Variants in USP7 observed in about 807,000 individuals in gnomAD.
USP7 encodes ubiquitin C-terminal hydrolase 7.
USP7 carries 9 observed loss-of-function variants against 162.9 expected under a neutral mutation model. The ratio of observed to expected loss-of-function variants is 0.06; its 90% CI spans 0.03 to 0.10. USP7 has a LOEUF of 0.10. Ranked by LOEUF, USP7 falls within the 10% of genes least tolerant of loss-of-function variation. USP7 has a pLI of 1.00. For missense variants in USP7, 715 were observed against 1,373.7 expected, an observed-to-expected ratio of 0.52 and a Z score of 7.58; for synonymous variants, 562 against 475.9, an observed-to-expected ratio of 1.18 and a Z score of -2.35.
intron 1 of USP7, among the ~76,000 whole-genome samples, chr16:8,934,917 A>G (rs1455368519): frequency 6.6e-6 from 1 of 152,254 alleles, no homozygotes; most frequent in Non-Finnish European, 1.5e-5. Flanking sequence ...TAGTTCCGCA[A>G]GAGGATTAAA....
intron 26 of USP7, among the ~76,000 whole-genome samples, chr16:8,896,061 G>A (rs959074420): frequency 2.6e-5 from 4 of 151,084 alleles, no homozygotes; most frequent in African/African-American, 4.9e-5. Flanking sequence ...GGATGGTCTC[G>A]AACTCCTGAC....
intron 10 of USP7, 115 bp downstream of exon 10, chr16:8,915,139 C>A (rs150666810): frequency 4.0e-6 from 4 of 998,922 alleles, no homozygotes; most frequent in African/African-American, 3.3e-5. Flanking sequence ...TGCTTAAGAT[C>A]TGAGCCATTC....
chr16:8,930,631 T>G lies in USP7; in HGVS notation c.80-234A>C, dbSNP rs140058679. 3.0e-3 allele frequency among the ~76,000 whole-genome samples: 451 copies of G among 152,294 alleles called. 2 individuals are homozygous for G. Among genetic ancestry groups the G allele is most frequent in the African/African-American group, 0.01 (427 of 41,544 alleles). ...AAACATGCTATACCACACTATAATTTGCTTTATTTGCAATGATATTCTGCA... is the reference window on the plus strand; with the variant it reads ...AAACATGCTATACCACACTATAATTGGCTTTATTTGCAATGATATTCTGCA... On this transcript the variant is annotated intron_variant, in intron 1 of 30. Coordinates refer to ENST00000344836, the MANE Select transcript of USP7 (RefSeq NM_003470.3).
intron 2 of USP7, among the ~76,000 whole-genome samples, chr16:8,923,859 G>C (rs1897844802): frequency 6.6e-6 from 1 of 152,174 alleles, no homozygotes; most frequent in Admixed American, 6.5e-5. Context: ...GGCAGGACTT[G>C]AGAGCCAGGG....
chr16:8,946,767 C>G (rs1192511891), intron 1 of USP7, among the ~76,000 whole-genome samples: 1 of 152,228 alleles, frequency 6.6e-6, no homozygotes, highest in African/African-American at 2.4e-5. Context: ...CAGCCATCTG[C>G]CAGCACGCAG....
intron 22 of USP7, 141 bp downstream of exon 22, chr16:8,899,463 G>A: frequency 9.2e-7 from 1 of 1,090,758 alleles, no homozygotes. Flanking sequence ...CAGAGAGCCT[G>A]AATCCATCAG....
intron 26 of USP7, 70 bp downstream of exon 26, chr16:8,896,929 C>A: frequency 8.4e-7 from 1 of 1,193,796 alleles, no homozygotes; most frequent in Non-Finnish European, 1.2e-6. Context: ...TCCACCAACG[C>A]AACTGCAGAG....
At chr16:8,899,058 G>A in intron 23 of USP7, 63 bp downstream of exon 23, 1 of 1,523,896 alleles carries the variant, frequency 6.6e-7, no homozygotes, top group East Asian at 2.3e-5. Context: ...GTTCCAAGAT[G>A]TTTCAATGAA....
chr16:8,961,503 A>AGGGGGG (rs1567252630), intron 1 of USP7, among the ~76,000 whole-genome samples: 3 of 58,528 alleles, frequency 5.1e-5, no homozygotes, highest in Non-Finnish European at 8.0e-5. Flanking sequence ...AAAAAAAAAA[A>AGGGGGG]AGGGGGGGGG....
chr16:8,919,006 C>G (rs1897532282), intron 6 of USP7, 25 bp downstream of exon 6: 1 of 1,607,996 alleles, frequency 6.2e-7, no homozygotes, highest in African/African-American at 1.3e-5. Context: ...CGGAAGGCTG[C>G]AGGAGAGGAA....
At position 8,896,952 on chromosome 16, in the gene USP7, T is replaced by G. The variant is rs758213013; in HGVS notation, c.2819+47A>C. The G allele has an allele frequency of 2.7e-6, 4 of 1,454,724 alleles. No individual in the cohort carries two copies. The South Asian group carries it at 4.6e-5, about 17-fold the overall frequency. 90.1% of individuals were successfully genotyped at this position (1,454,724 alleles called of 1,614,324 possible). On this transcript the variant is annotated intron_variant, in intron 26 of 30. Transcript: ENST00000344836. ...CGCAACTGCAGAGGTCAGCGTTAAC[T>G]GCCACCCCTAACTGAACGTCCACAA... is the stretch of plus-strand genomic sequence containing the variant.
intron 1 of USP7, among the ~76,000 whole-genome samples, chr16:8,955,292 T>A (rs1020073813): frequency 6.6e-6 from 1 of 152,248 alleles, no homozygotes; most frequent in African/African-American, 2.4e-5. Context: ...CACCCCAGGC[T>A]AGAGTGCAGT....
chr16:8,917,984 G>A (rs1411133075), intron 6 of USP7, among the ~76,000 whole-genome samples: 1 of 151,638 alleles, frequency 6.6e-6, no homozygotes, highest in Non-Finnish European at 1.5e-5. Flanking sequence ...TAGAGACGGG[G>A]TTTCACCATG....
At chr16:8,925,894 C>A (rs1343386148) in intron 2 of USP7, among the ~76,000 whole-genome samples, 3 of 152,232 alleles carry the variant, frequency 2.0e-5, no homozygotes, top group Non-Finnish European at 4.4e-5. Flanking sequence ...GTGGCTCACT[C>A]CTGTAATCAC....
chr16:8,917,385 C>T (rs559105835), intron 6 of USP7, among the ~76,000 whole-genome samples: 1 of 152,260 alleles, frequency 6.6e-6, no homozygotes, highest in African/African-American at 2.4e-5. Context: ...TTTTGAAAAT[C>T]ACCACCCACG....
At chr16:8,930,206 T>A (rs1237444219) in intron 2 of USP7, 87 bp downstream of exon 2, 2 of 1,004,842 alleles carry the variant, frequency 2.0e-6, no homozygotes, top group Admixed American at 2.4e-5. Flanking sequence ...TACCCAAGGA[T>A]GTACCCAAGA....
At chr16:8,931,631 G>A (rs1286531876) in intron 1 of USP7, among the ~76,000 whole-genome samples, 3 of 152,210 alleles carry the variant, frequency 2.0e-5, no homozygotes, top group Non-Finnish European at 4.4e-5. Flanking sequence ...TATAACTCAA[G>A]TTCGGATTCA....
chr16:8,918,424 T>A (rs1468304526), intron 6 of USP7, among the ~76,000 whole-genome samples: 1 of 152,268 alleles, frequency 6.6e-6, no homozygotes, highest in Non-Finnish European at 1.5e-5. Context: ...ACTCAGTTTT[T>A]ATATAAAACT....
chr16:8,912,031 C>T (rs2061954820), intron 10 of USP7, among the ~76,000 whole-genome samples: 1 of 152,212 alleles, frequency 6.6e-6, no homozygotes, highest in South Asian at 2.1e-4. Flanking sequence ...GGCTTAAAAA[C>T]AAGCCTCACA....
Sources: allele counts gnomAD v4.1 joint callset (sites outside exome capture counted in the v4.1 genomes callset), GRCh38; gene constraint gnomAD v4.1.1; transcripts MANE v1.5; gene names NCBI Gene and HGNC (gene_info 2026-07-23, HGNC 2026-07-21).